CLDN10: variants seen among roughly 807,000 people sequenced by gnomAD.
The protein encoded by CLDN10 is claudin 10.
A neutral mutation model predicts 22.9 loss-of-function variants in CLDN10; 15 were observed. That is an observed-to-expected ratio of 0.65 (90% CI 0.44 to 1.01). The LOEUF (loss-of-function observed/expected upper bound fraction) is 1.01. Among genes scored for constraint, CLDN10 ranks in the 50% least tolerant of loss-of-function variants. The pLI, the probability that CLDN10 is intolerant of heterozygous loss-of-function variation, is 0.00. For synonymous variants in CLDN10, 114 were observed against 111.4 expected, an observed-to-expected ratio of 1.02 and a Z score of -0.15; for missense variants, 247 against 287.8, an observed-to-expected ratio of 0.86 and a Z score of 1.03.
At chr13:95,541,633 C>A (rs1186973936) in intron 1 of CLDN10, among the ~76,000 whole-genome samples, 1 of 152,062 alleles carries the variant, frequency 6.6e-6, no homozygotes, top group Admixed American at 6.6e-5. Flanking sequence ...GCTTTTGAGA[C>A]TTGTTTTGAC....
At chr13:95,550,627 A>G (rs992615158), upstream of CLDN10, among the ~76,000 whole-genome samples, 1 of 152,188 alleles carries the variant, frequency 6.6e-6, no homozygotes, top group Non-Finnish European at 1.5e-5. Context: ...TTGGATCAGA[A>G]ATAGGCAGAT....
At chr13:95,499,124 G>A (rs539851051) in intron 1 of CLDN10, among the ~76,000 whole-genome samples, 9 of 152,256 alleles carry the variant, frequency 5.9e-5, no homozygotes, top group Admixed American at 3.3e-4. Flanking sequence ...CCATTAATCC[G>A]TCCATGCCAG....
intron 1 of CLDN10, among the ~76,000 whole-genome samples, chr13:95,475,954 C>T (rs980379912): frequency 6.6e-6 from 1 of 152,052 alleles, no homozygotes; most frequent in South Asian, 2.1e-4. Context: ...TGCCCCTGAG[C>T]GTGCTGGGTG....
At chr13:95,461,393 T>C (rs890884630) in intron 1 of CLDN10, among the ~76,000 whole-genome samples, 1 of 152,242 alleles carries the variant, frequency 6.6e-6, no homozygotes, top group Non-Finnish European at 1.5e-5. Context: ...CAGATACTTC[T>C]TGAGGCCTTT....
At chr13:95,564,416 A>G (rs1429121421) in intron 3 of CLDN10, among the ~76,000 whole-genome samples, 1 of 152,206 alleles carries the variant, frequency 6.6e-6, no homozygotes, top group Non-Finnish European at 1.5e-5. Context: ...CTGCAGGAGC[A>G]TGTGTGTTTG....
intron 1 of CLDN10, among the ~76,000 whole-genome samples, chr13:95,475,620 G>C (rs1302439923): frequency 6.6e-6 from 1 of 152,206 alleles, no homozygotes; most frequent in Non-Finnish European, 1.5e-5. Context: ...CTGGGCCCCT[G>C]GTGAGGGTGA....
chr13:95,451,425 C>T (rs931396955), intron 1 of CLDN10, among the ~76,000 whole-genome samples: 1 of 152,140 alleles, frequency 6.6e-6, no homozygotes, highest in Non-Finnish European at 1.5e-5. Context: ...CTCCCTGGCA[C>T]TTGGTACTTC....
chr13:95,513,500 T>G (rs2043127689), intron 1 of CLDN10, among the ~76,000 whole-genome samples: 1 of 152,212 alleles, frequency 6.6e-6, no homozygotes, highest in Non-Finnish European at 1.5e-5. Flanking sequence ...CTTCCAGCCC[T>G]TTCTTCTTTC....
Position 95,578,156 on chromosome 13 carries a change from G to A in CLDN10, c.*142G>A, listed in dbSNP as rs982048677. 5.4e-6 allele frequency: 3 copies of A among 554,810 alleles called. No homozygotes were observed. Among genetic ancestry groups the A allele is most frequent in the African/African-American group, 3.8e-5 (2 of 52,432 alleles). 34.4% of individuals were successfully genotyped at this position (554,810 alleles called of 1,614,324 possible). On this transcript the variant is annotated 3_prime_UTR_variant, in exon 5 of 5. Coordinates refer to ENST00000299339, the MANE Select transcript of CLDN10 (RefSeq NM_006984.5). ...TGAAGCATCTGTTGATTGTATGGAT[G>A]TAAGTGTTCTTACATAGTTAGTTAT...
At chr13:95,465,255 C>T (rs1432260827) in intron 1 of CLDN10, among the ~76,000 whole-genome samples, 1 of 152,116 alleles carries the variant, frequency 6.6e-6, no homozygotes, top group Admixed American at 6.5e-5. Flanking sequence ...AAAACCGCCC[C>T]CATGATTCAA....
rs889002092 is a variant in CLDN10, at chr13:95,505,827, T to C, written c.215-54305T>C. Among the ~76,000 whole-genome samples, 4 of 138,636 alleles carry C rather than the reference T, an allele frequency of 2.9e-5. No homozygotes were observed. In the Admixed American group the frequency reaches 3.4e-4, roughly 12 times the overall value. 91.0% of individuals were successfully genotyped at this position (138,636 alleles called of 152,430 possible). On this transcript the variant is annotated intron_variant, in intron 1 of 4. Coordinates refer to the CLDN10 transcript ENST00000376873. ...TGGAGTGCAATGGTGCAATCTCGGC[T>C]CACTGCAACCTCTGCCTCCCAGGTT...
chr13:95,508,832 G>C (rs2043066604), intron 1 of CLDN10, among the ~76,000 whole-genome samples: 1 of 152,258 alleles, frequency 6.6e-6, no homozygotes, highest in African/African-American at 2.4e-5. Context: ...CAAAGAGCTG[G>C]TGGCTATGGA....
intron 3 of CLDN10, among the ~76,000 whole-genome samples, chr13:95,567,245 A>G (rs1330428655): frequency 6.6e-6 from 1 of 152,122 alleles, no homozygotes; most frequent in Admixed American, 6.5e-5. Context: ...GATTCTTCCT[A>G]TCCATGAGCA....
intron 1 of CLDN10, among the ~76,000 whole-genome samples, chr13:95,557,216 C>G (rs1270872689): frequency 6.6e-6 from 1 of 152,176 alleles, no homozygotes; most frequent in East Asian, 1.9e-4. Context: ...TGTTAATTAG[C>G]TATTAACAGT....
intron 1 of CLDN10, among the ~76,000 whole-genome samples, chr13:95,493,796 G>A (rs2042901134): frequency 6.6e-6 from 1 of 152,126 alleles, no homozygotes; most frequent in South Asian, 2.1e-4. Context: ...CTGGCCTCAA[G>A]TATTCAGCCC....
intron 1 of CLDN10, among the ~76,000 whole-genome samples, chr13:95,475,340 A>C (rs9590280): frequency 0.12 from 17,622 of 152,252 alleles, 1,176 homozygotes; most frequent in South Asian, 0.25. Context: ...TGGTCCCCAG[A>C]GACTGTAACC....
At chr13:95,536,405 C>T (rs766975513) in intron 1 of CLDN10, among the ~76,000 whole-genome samples, 13 of 151,990 alleles carry the variant, frequency 8.6e-5, no homozygotes, top group Admixed American at 2.0e-4. Context: ...GCCGAGATCA[C>T]GCCACTGCAC....
chr13:95,442,888 A>G (rs1164747821), intron 1 of CLDN10, among the ~76,000 whole-genome samples: 1 of 152,226 alleles, frequency 6.6e-6, no homozygotes, highest in East Asian at 1.9e-4. Context: ...ATGAAATGAT[A>G]ATGTAAAACG....
At chr13:95,466,061 T>C (rs2042578739) in intron 1 of CLDN10, among the ~76,000 whole-genome samples, 1 of 151,818 alleles carries the variant, frequency 6.6e-6, no homozygotes, top group Non-Finnish European at 1.5e-5. Context: ...ATTTTAAAAA[T>C]ATTTTTATGT....
Sources: allele counts gnomAD v4.1 joint callset (sites outside exome capture counted in the v4.1 genomes callset), GRCh38; gene constraint gnomAD v4.1.1; transcripts MANE v1.5; gene names NCBI Gene and HGNC (gene_info 2026-07-23, HGNC 2026-07-21).